The following BIRC7 variants were observed in gnomAD, a reference collection of about 807,000 sequenced individuals.
BIRC7 encodes the protein baculoviral IAP repeat-containing protein 7.
Under a neutral mutation model 33.2 loss-of-function variants are expected in BIRC7, and 26 were observed. The observed-to-expected ratio is 0.78, with a 90% CI of 0.57 to 1.09. The LOEUF (loss-of-function observed/expected upper bound fraction) is 1.09, where lower values mean the gene tolerates loss of function less well. Ranked by LOEUF, BIRC7 falls within the 50% of genes least tolerant of loss-of-function variation. The pLI is 0.00. For missense variants in BIRC7, 409 were observed against 401.2 expected (o/e 1.02, Z -0.17); for synonymous variants, 176 against 171.0 (o/e 1.03, Z -0.23).
intron 4 of BIRC7, 101 bp downstream of exon 4, chr20:63,238,715 G>A: frequency 1.3e-6 from 2 of 1,486,656 alleles, no homozygotes; most frequent in Admixed American, 1.7e-5. Context: ...CAGGGAGAGT[G>A]ACGGGCACGT....
At chr20:63,237,681 G>A (rs894809023) in intron 1 of BIRC7, among the ~76,000 whole-genome samples, 3 of 152,044 alleles carry the variant, frequency 2.0e-5, no homozygotes, top group Non-Finnish European at 4.4e-5. Context: ...GAACATTCTC[G>A]CCCATCCTGG....
intron 2 of BIRC7, 68 bp downstream of exon 2, chr20:63,238,070 C>T (rs1601255770): frequency 1.0e-5 from 14 of 1,363,920 alleles, no homozygotes; most frequent in Middle Eastern, 2.4e-4. Flanking sequence ...ACGGCTCTGT[C>T]GACCCAACAC....
At position 63,237,940 on chromosome 20, in the gene BIRC7, G is replaced by C; in HGVS notation, c.387G>C (p.Gly129=). The change falls in exon 2 of 7, where the codon GGG becomes GGC. Residue 129 remains glycine (G), a synonymous_variant. Transcript: ENST00000217169. ...QDKVRCFFCY[G]GLQSWKRGDD... ...AGGTGAGGTGCTTCTTCTGCTATGG[G>C]GGCCTGCAGAGCTGGAAGCGCGGGG... 2 of 1,608,180 alleles carry C rather than the reference G, an allele frequency of 1.2e-6. No homozygotes were observed. The highest frequency in any genetic ancestry group is 2.7e-5 in the African/African-American group (2 of 74,716).
rs566936267 is a variant in BIRC7, at chr20:63,239,738, C to T, written c.*5+128C>T. The T allele has an allele frequency of 3.9e-6, 5 of 1,285,430 alleles. No individual in the cohort carries two copies. The South Asian group carries it at 6.1e-5, about 16-fold the overall frequency. The allele number at this position is 1,285,430 out of a possible 1,614,324, so 79.6% of individuals were successfully genotyped here. A position where few individuals can be genotyped will look rare whatever the true frequency, so the allele number is the denominator to read the frequency against. ...AGCGTCAGCTTGTTTTTACCCGGCT[C>T]CCAGGTCCCGCTGATAGCGCCCATC... On this transcript the variant is annotated intron_variant, in intron 6 of 6. Transcript: ENST00000217169.
In BIRC7 at chr20:63,237,942, G is replaced by A; in HGVS notation, c.389G>A (p.Gly130Asp). The A allele has an allele frequency of 1.2e-6, 2 of 1,608,504 alleles. No individual in the cohort carries two copies. The highest frequency in any genetic ancestry group is 1.7e-6 in the Non-Finnish European group (2 of 1,178,428). ...DKVRCFFCYGGLQSWKRGDDP... is the reference protein window; with the variant it reads ...DKVRCFFCYGDLQSWKRGDDP... ...GTGAGGTGCTTCTTCTGCTATGGGG[G>A]CCTGCAGAGCTGGAAGCGCGGGGAC... Residue 130 changes from glycine to aspartate, a missense_variant, in exon 2 of 7, where the codon GGC (glycine) becomes GAC (aspartate). Transcript: ENST00000217169.
In BIRC7 at chr20:63,240,411, G is replaced by C. The variant is rs1197516656; in HGVS notation, c.*161G>C. On this transcript the variant is annotated 3_prime_UTR_variant, in exon 7 of 7. Coordinates refer to ENST00000217169, the MANE Select transcript of BIRC7 (RefSeq NM_139317.3). The stretch of plus-strand genomic sequence containing the variant: ...GACCACCGCCCAGGGTGGAGAAGGA[G>C]GCCCTTGCTTGGCGTGGGGGATGGC... The C allele has an allele frequency of 6.5e-6, 1 of 152,716 alleles. No individual in the cohort carries two copies. Among genetic ancestry groups the C allele is most frequent in the Non-Finnish European group, 1.5e-5 (1 of 68,426 alleles). 9.5% of individuals were successfully genotyped at this position (152,716 alleles called of 1,614,324 possible).
chr20:63,238,831 T>A, intron 4 of BIRC7: 1 of 669,540 alleles, frequency 1.5e-6, no homozygotes, highest in Non-Finnish European at 2.5e-6. Context: ...CCATTCTGCT[T>A]CTCTCCCAGC....
At position 63,236,245 on chromosome 20, in the gene BIRC7, ACGT is replaced by A. The variant is rs773254115; in HGVS notation, c.150_152del (p.His50_Val51delinsGln). On this transcript the variant is annotated inframe_deletion, in exon 1 of 7. Transcript: ENST00000217169. ...CTGGACACCTGCAGAGCCTGGGACC[ACGT>A]GGATGGGCAGATCCTGGGCCAGCTG... The A allele has an allele frequency of 4.4e-6, 7 of 1,601,710 alleles. No homozygotes were observed. In the East Asian group the frequency reaches 1.6e-4, roughly 36 times the overall value.
Position 63,238,438 on chromosome 20 carries a change from C to G in BIRC7, c.492C>G (p.His164Gln). The change falls in exon 3 of 7, where the codon CAC becomes CAG. Residue 164 changes from histidine to glutamine, a missense_variant. His to Gln is a conservative substitution (Grantham distance 24). Coordinates refer to ENST00000217169, the MANE Select transcript of BIRC7 (RefSeq NM_139317.3). ...GGTCAAAAGGAAGAGACTTTGTCCA[C>G]AGTGTGCAGGAGACTCACTCCCAGC... ...LLRSKGRDFVHSVQETHSQLL... is the reference protein window; with the variant it reads ...LLRSKGRDFVQSVQETHSQLL... 1 of 1,612,570 alleles carries G rather than the reference C, an allele frequency of 6.2e-7. No individual in the cohort carries two copies. Among genetic ancestry groups the G allele is most frequent in the Admixed American group, 1.7e-5 (1 of 60,008 alleles).
rs763268084 is a variant in BIRC7, at chr20:63,238,404, T to C, written c.458T>C (p.Phe153Ser). 6.2e-7 allele frequency: 1 copy of C among 1,611,822 alleles called. No individual in the cohort carries two copies. Among genetic ancestry groups the C allele is most frequent in the Non-Finnish European group, 8.5e-7 (1 of 1,179,968 alleles). The change falls in exon 3 of 7, where the codon TTC (phenylalanine) becomes TCC (serine). Residue 153 changes from phenylalanine (F) to serine (S), a missense_variant. Coordinates refer to ENST00000217169, the MANE Select transcript of BIRC7 (RefSeq NM_139317.3). ...CTCTGGGGCATCTGCAGCTGTCAGT[T>C]CCTGCTCCGGTCAAAAGGAAGAGAC... ...EHAKWFPSCQFLLRSKGRDFV... is the reference protein window; with the variant it reads ...EHAKWFPSCQSLLRSKGRDFV...
At position 63,239,377 on chromosome 20, in the gene BIRC7, G is replaced by T; in HGVS notation, c.669G>T (p.Glu223Asp). Residue 223 changes from glutamate (E) to aspartate (D), a missense_variant, in exon 6 of 7, where the codon GAG (glutamate) becomes GAT (aspartate). By Grantham distance (45) the Glu-to-Asp change is conservative. Coordinates refer to ENST00000217169, the MANE Select transcript of BIRC7 (RefSeq NM_139317.3). Reference sequence around the variant, plus strand: ...TCCTAGGAGGGGTCAGTCCAGCCGAGGCCCAGAGGGCGTGGTGGGTTCTTG... The same window carrying T: ...TCCTAGGAGGGGTCAGTCCAGCCGATGCCCAGAGGGCGTGGTGGGTTCTTG... ...AQEPGGVSPA[E>D]AQRAWWVLEP... The T allele has an allele frequency of 6.2e-7, 1 of 1,603,734 alleles. No homozygotes were observed. The highest frequency in any genetic ancestry group is 8.5e-7 in the Non-Finnish European group (1 of 1,179,746).
At chr20:63,237,822 T>C in intron 1 of BIRC7, 81 bp from the exon 2 acceptor site, 1 of 1,229,760 alleles carries the variant, frequency 8.1e-7, no homozygotes, top group South Asian at 1.7e-5. Context: ...CAGCTGAAGC[T>C]CTCATAGCCT....
chr20:63,237,523 T>C (rs1432406800), intron 1 of BIRC7, among the ~76,000 whole-genome samples: 1 of 151,978 alleles, frequency 6.6e-6, no homozygotes, highest in Non-Finnish European at 1.5e-5. Flanking sequence ...CCCTTCTTCT[T>C]CTCACTGGGA....
At chr20:63,239,044 C>A in intron 4 of BIRC7, 118 bp from the exon 5 acceptor site, 1 of 1,049,764 alleles carries the variant, frequency 9.5e-7, no homozygotes, top group Non-Finnish European at 1.4e-6. Flanking sequence ...AGCGGGGATA[C>A]TCTGCAGCCC....
Position 63,239,201 on chromosome 20 carries a change from G to C in BIRC7, c.617G>C (p.Arg206Thr), listed in dbSNP as rs149161695. 3.5e-4 allele frequency: 570 copies of C among 1,612,740 alleles called. No homozygotes were observed. The highest frequency in any genetic ancestry group is 4.4e-4 in the Non-Finnish European group (524 of 1,179,992). Residue 206 changes from arginine to threonine, a missense_variant, in exon 5 of 7, where the codon AGA (arginine) becomes ACA (threonine). Coordinates refer to ENST00000217169, the MANE Select transcript of BIRC7 (RefSeq NM_139317.3). ...SGYPELPTPR[R>T]EVQSESAQEP... is the part of the protein sequence containing the mutation. Reference sequence around the variant, plus strand: ...TACCCTGAGCTGCCCACACCCAGGAGAGAGGTCCAGTCTGAAAGTGCCCAG... The same window carrying C: ...TACCCTGAGCTGCCCACACCCAGGACAGAGGTCCAGTCTGAAAGTGCCCAG...
chr20:63,238,509 G>A (rs1170359502), intron 3 of BIRC7, 32 bp downstream of exon 3: 1 of 1,613,004 alleles, frequency 6.2e-7, no homozygotes, highest in Admixed American at 1.7e-5. Context: ...GGCTCCGGGT[G>A]GCAGTGGGGT....
chr20:63,238,162 CT>C, intron 2 of BIRC7, 160 bp downstream of exon 2: 1 of 875,744 alleles, frequency 1.1e-6, no homozygotes, highest in Non-Finnish European at 1.8e-6. Context: ...CAGGTACCCA[CT>C]TTTCCTGTGA....
At position 63,239,304 on chromosome 20, in the gene BIRC7, C is replaced by G. The variant is rs564528998; in HGVS notation, c.650-54C>G. 6 of 1,605,738 alleles carry G rather than the reference C, an allele frequency of 3.7e-6. No individual in the cohort carries two copies. In the East Asian group the frequency reaches 1.3e-4, roughly 36 times the overall value. On this transcript the variant is annotated intron_variant, in intron 5 of 6. Coordinates refer to ENST00000217169, the MANE Select transcript of BIRC7 (RefSeq NM_139317.3). ...CTGAGGGACCCCGACCTTCCATGGC[C>G]CATAGAGGGTGGGGGCCAGGGTGTG...
chr20:63,237,804 C>T (rs2066700205), intron 1 of BIRC7, 99 bp from the exon 2 acceptor site: 1 of 1,045,790 alleles, frequency 9.6e-7, no homozygotes, highest in African/African-American at 1.7e-5. Context: ...CACCTGGGAG[C>T]TCCCCTCCAG....
Sources: gnomAD v4.1 joint callset for allele counts (sites outside exome capture counted in the v4.1 genomes callset) on GRCh38, gnomAD v4.1.1 for gene constraint, MANE v1.5 for transcripts, NCBI Gene and HGNC (gene_info 2026-07-23, HGNC 2026-07-21) for gene names.